PHF21B: variants seen among roughly 807,000 people sequenced by gnomAD.
PHF21B encodes PHD finger protein 21B, also known as PHD finger protein 4.
Under a neutral mutation model 62.2 loss-of-function variants are expected in PHF21B, and 22 were observed. The ratio of observed to expected loss-of-function variants is 0.35; its 90% CI spans 0.25 to 0.51. The LOEUF (loss-of-function observed/expected upper bound fraction) is 0.51, where lower values mean the gene tolerates loss of function less well. PHF21B is among the 20% of genes least tolerant of loss of function. The pLI is 0.97. For missense variants in PHF21B, 701 were observed against 707.9 expected, an observed-to-expected ratio of 0.99 and a Z score of 0.11; for synonymous variants, 341 against 314.7, an observed-to-expected ratio of 1.08 and a Z score of -0.88.
At chr22:44,940,924 G>A (rs1425928316) in intron 2 of PHF21B, among the ~76,000 whole-genome samples, 6 of 152,174 alleles carry the variant, frequency 3.9e-5, no homozygotes, top group Admixed American at 3.9e-4. Flanking sequence ...GGGGGCTGTC[G>A]TTTCATGGAA....
intron 12 of PHF21B, 128 bp from the exon 13 acceptor site, chr22:44,883,432 C>A: frequency 4.8e-6 from 4 of 826,662 alleles, no homozygotes; most frequent in Non-Finnish European, 7.4e-6. Flanking sequence ...GAGGGCTTCA[C>A]AAAAACCAGG....
intron 2 of PHF21B, among the ~76,000 whole-genome samples, chr22:44,972,025 C>T (rs62232250): frequency 1.3e-3 from 195 of 152,308 alleles, no homozygotes; most frequent in Non-Finnish European, 2.3e-3. Flanking sequence ...ACAGGGTCAC[C>T]CATACCGGCT....
At chr22:44,983,955 G>T (rs935805068) in intron 2 of PHF21B, among the ~76,000 whole-genome samples, 9 of 151,730 alleles carry the variant, frequency 5.9e-5, no homozygotes, top group Non-Finnish European at 1.2e-4. Flanking sequence ...CTGGAGCTGG[G>T]CCCCTTTCCG....
chr22:45,008,450 G>C (rs2073366144), intron 2 of PHF21B, 95 bp downstream of exon 2: 1 of 1,205,038 alleles, frequency 8.3e-7, no homozygotes, highest in South Asian at 1.7e-5. Context: ...GAGTCTGAGC[G>C]TGCGTCGCCC....
chr22:44,893,001 G>A (rs1290392239), intron 7 of PHF21B, among the ~76,000 whole-genome samples: 2 of 152,162 alleles, frequency 1.3e-5, no homozygotes, highest in Non-Finnish European at 1.5e-5. Context: ...CACTGGCCAC[G>A]CCCACCCAGC....
chr22:44,936,778 C>T lies in PHF21B; in HGVS notation c.121-16288G>A, dbSNP rs150870908. On this transcript the variant is annotated intron_variant, in intron 2 of 12. Transcript: ENST00000313237. ...TGGCTTACCAGAAGATTTAAACTTA[C>T]ACATATGGCTCTCACTGCGCTTTTA... 4.8e-3 allele frequency among the ~76,000 whole-genome samples: 729 copies of T among 152,024 alleles called. 5 individuals are homozygous for T. The highest frequency in any genetic ancestry group is 0.017 in the African/African-American group (693 of 41,464).
intron 2 of PHF21B, among the ~76,000 whole-genome samples, chr22:44,979,230 G>A (rs1199669866): frequency 3.3e-5 from 5 of 152,250 alleles, no homozygotes; most frequent in African/African-American, 1.2e-4. Context: ...CAGGGAGGAG[G>A]TGCCATCTGG....
intron 5 of PHF21B, among the ~76,000 whole-genome samples, chr22:44,912,742 G>A (rs1473091391): frequency 6.6e-6 from 1 of 151,998 alleles, no homozygotes; most frequent in Non-Finnish European, 1.5e-5. Context: ...GCCAGTAGTG[G>A]TAGTGCACAC....
In PHF21B at chr22:44,962,752, G is replaced by C. The variant is rs144342878; in HGVS notation, c.121-42262C>G. Among the ~76,000 whole-genome samples the C allele has an allele frequency of 6.1e-3, 923 of 152,232 alleles. 7 individuals carry two copies. Among genetic ancestry groups the C allele is most frequent in the South Asian group, 0.019 (91 of 4,820 alleles). ...GTACTATATGGACACATGCCTGGATGAAGAGCTGCCTGCAGGTGCCTCACG... is the reference window on the plus strand; with the variant it reads ...GTACTATATGGACACATGCCTGGATCAAGAGCTGCCTGCAGGTGCCTCACG... On this transcript the variant is annotated intron_variant, in intron 2 of 12. Transcript: ENST00000313237.
At chr22:44,992,831 C>T (rs2073063099) in intron 2 of PHF21B, among the ~76,000 whole-genome samples, 1 of 152,220 alleles carries the variant, frequency 6.6e-6, no homozygotes, top group Non-Finnish European at 1.5e-5. Flanking sequence ...ACCCAGCCTG[C>T]TCACACGATC....
intron 7 of PHF21B, among the ~76,000 whole-genome samples, chr22:44,892,469 T>C (rs1601569874): frequency 6.6e-6 from 1 of 152,180 alleles, no homozygotes; most frequent in Non-Finnish European, 1.5e-5. Flanking sequence ...TGAGCTCAGG[T>C]TCCCAAGACA....
At chr22:44,978,638 C>T (rs1343957258) in intron 2 of PHF21B, among the ~76,000 whole-genome samples, 3 of 152,174 alleles carry the variant, frequency 2.0e-5, no homozygotes, top group South Asian at 2.1e-4. Context: ...GGATTACAGG[C>T]GTGAGCCACC....
At chr22:44,919,224 T>C (rs868308403) in intron 3 of PHF21B, among the ~76,000 whole-genome samples, 4 of 152,242 alleles carry the variant, frequency 2.6e-5, no homozygotes, top group African/African-American at 7.2e-5. Context: ...CCGATCACCC[T>C]GGACTCACAG....
At chr22:44,995,383 C>T (rs149975004) in intron 2 of PHF21B, among the ~76,000 whole-genome samples, 1 of 152,124 alleles carries the variant, frequency 6.6e-6, no homozygotes, top group Non-Finnish European at 1.5e-5. Context: ...ATAACTCCAA[C>T]GAGGCAGTGG....
rs1441899385 is a variant in PHF21B at position 44,896,019 on chromosome 22, G to T, written c.883+13C>A. 1 of 1,613,992 alleles carries T rather than the reference G, an allele frequency of 6.2e-7. No homozygotes were observed. The highest frequency in any genetic ancestry group is 8.5e-7 in the Non-Finnish European group (1 of 1,180,004). On this transcript the variant is annotated intron_variant, in intron 6 of 12. Coordinates refer to ENST00000313237, the MANE Select transcript of PHF21B (RefSeq NM_138415.5). The stretch of plus-strand genomic sequence containing the variant: ...TCCCAGCCCAACCTGCTGCTACCTG[G>T]ATCCTTCCTTACCTTCCAAATGTTC...
intron 2 of PHF21B, among the ~76,000 whole-genome samples, chr22:44,937,447 C>A (rs117270197): frequency 1.3e-5 from 2 of 152,310 alleles, no homozygotes; most frequent in South Asian, 2.1e-4. Flanking sequence ...TGGGCCATCA[C>A]GGAGTAGCCG....
chr22:44,953,578 A>G (rs529175682), intron 2 of PHF21B, among the ~76,000 whole-genome samples: 2 of 152,192 alleles, frequency 1.3e-5, no homozygotes, highest in South Asian at 4.2e-4. Context: ...TTTCTCTGCT[A>G]ATGTGTCTCA....
intron 2 of PHF21B, among the ~76,000 whole-genome samples, chr22:44,956,132 A>G (rs1229637304): frequency 6.6e-6 from 1 of 152,164 alleles, no homozygotes; most frequent in Non-Finnish European, 1.5e-5. Context: ...CACAGGGGAG[A>G]TGCTCTGTGT....
intron 2 of PHF21B, among the ~76,000 whole-genome samples, chr22:44,953,684 G>A (rs1281739252): frequency 6.6e-6 from 1 of 152,020 alleles, no homozygotes; most frequent in African/African-American, 2.4e-5. Flanking sequence ...CAGGTGTGTG[G>A]GTGAGCAGAA....
Sources: allele counts gnomAD v4.1 joint callset (sites outside exome capture counted in the v4.1 genomes callset), GRCh38; gene constraint gnomAD v4.1.1; transcripts MANE v1.5; gene names NCBI Gene and HGNC (gene_info 2026-07-23, HGNC 2026-07-21).